Variants in CCDC69 observed in about 807,000 individuals in gnomAD.
The protein encoded by CCDC69 is coiled-coil domain-containing protein 69.
CCDC69 carries 38 observed loss-of-function variants against 40.3 expected under a neutral mutation model. The observed-to-expected ratio is 0.94, with a 90% CI of 0.73 to 1.24. The LOEUF is 1.24. Among genes scored for constraint, CCDC69 ranks in the 50% most tolerant of loss-of-function variants. CCDC69 has a pLI of 0.00. For synonymous variants in CCDC69, 141 were observed against 138.9 expected (o/e 1.02, Z -0.11); for missense variants, 389 against 357.9 (o/e 1.09, Z -0.70).
intron 1 of CCDC69, among the ~76,000 whole-genome samples, chr5:151,213,585 G>C (rs943516447): frequency 1.3e-5 from 2 of 152,170 alleles, no homozygotes; most frequent in Non-Finnish European, 2.9e-5. Context: ...CACCAGGCAA[G>C]AGTGAATTAG....
At chr5:151,203,676 T>C (rs1280390641) in intron 2 of CCDC69, among the ~76,000 whole-genome samples, 1 of 136,988 alleles carries the variant, frequency 7.3e-6, no homozygotes, top group Non-Finnish European at 1.5e-5. Context: ...TAAAAAATAG[T>C]ATATATAATA....
chr5:151,185,572 C>T, intron 6 of CCDC69, 31 bp from the exon 7 acceptor site: 1 of 1,608,502 alleles, frequency 6.2e-7, no homozygotes, highest in Admixed American at 1.7e-5. Context: ...CTCATTAGGC[C>T]AGTAGGCTAC....
At position 151,198,303 on chromosome 5, in the gene CCDC69, T is replaced by G. The variant is rs778057242; in HGVS notation, c.319+694A>C. Among the ~76,000 whole-genome samples, 596 of 143,950 alleles carry G rather than the reference T, an allele frequency of 4.1e-3. 7 individuals are homozygous for G. The highest frequency in any genetic ancestry group is 6.2e-3 in the Admixed American group (90 of 14,530). The allele number at this position is 143,950 out of a possible 152,430, so 94.4% of individuals were successfully genotyped here. On this transcript the variant is annotated intron_variant, in intron 4 of 8. Transcript: ENST00000355417. ...AGAGAATGAGATTGATCTATCTATC[T>G]ATCTATCTATCTATCTATCTATCTA...
At position 151,224,003 on chromosome 5, in the gene CCDC69, A is replaced by C. The variant is rs771318306; in HGVS notation, c.-33T>G. 3 of 1,541,862 alleles carry C rather than the reference A, an allele frequency of 1.9e-6. No individual in the cohort carries two copies. The African/African-American group carries it at 4.3e-5, about 22-fold the overall frequency. On this transcript the variant is annotated 5_prime_UTR_variant, in exon 1 of 9. Transcript: ENST00000355417. ...CGGGGGCTCCCGGACGCCGCTTCCC[A>C]ACTCCGGGGCCCCCAGAGGAGCCTG... is the stretch of plus-strand genomic sequence containing the variant.
At chr5:151,215,755 T>C in intron 1 of CCDC69, 1 of 283,284 alleles carries the variant, frequency 3.5e-6, no homozygotes, top group Non-Finnish European at 7.9e-6. Flanking sequence ...AATTCTACAG[T>C]AGCACTGTGA....
intron 6 of CCDC69, 134 bp from the exon 7 acceptor site, chr5:151,185,675 T>C: frequency 1.2e-6 from 1 of 865,332 alleles, no homozygotes; most frequent in Non-Finnish European, 1.9e-6. Context: ...TTTAATATGC[T>C]TTATCTCCCT....
Position 151,183,554 on chromosome 5 carries a change from C to T in CCDC69, c.774G>A (p.Arg258=). ...REALEKEVQL[R]RQLQQEKEEL... The stretch of plus-strand genomic sequence containing the variant: ...CCTCCTTCTCCTGCTGGAGCTGTCG[C>T]CGCAGCTGCACCTCCTTCTCCAGGG... Residue 258 remains arginine, a synonymous_variant, in exon 9 of 9, where the codon CGG becomes CGA. Coordinates refer to ENST00000355417, the MANE Select transcript of CCDC69 (RefSeq NM_015621.3). The T allele has an allele frequency of 3.7e-6, 6 of 1,611,940 alleles. No homozygotes were observed. The highest frequency in any genetic ancestry group is 5.1e-6 in the Non-Finnish European group (6 of 1,179,414).
intron 6 of CCDC69, 106 bp downstream of exon 6, chr5:151,185,917 C>T (rs1752502142): frequency 1.3e-6 from 1 of 775,518 alleles, no homozygotes; most frequent in Admixed American, 1.9e-5. Flanking sequence ...GGTAAGAGTG[C>T]CAGGTCTGAG....
chr5:151,197,148 C>T (rs1752710764), intron 4 of CCDC69, among the ~76,000 whole-genome samples: 1 of 152,238 alleles, frequency 6.6e-6, no homozygotes, highest in Non-Finnish European at 1.5e-5. Flanking sequence ...GTTATACAAT[C>T]CCGTTTATAT....
At position 151,220,996 on chromosome 5, in the gene CCDC69, GCAGGACCACACGATC is replaced by G. The variant is rs1561606803; in HGVS notation, c.48+2912_48+2926del. On this transcript the variant is annotated intron_variant, in intron 1 of 8. Coordinates refer to ENST00000355417, the MANE Select transcript of CCDC69 (RefSeq NM_015621.3). ...GTCTTTGCCAAGAAGAAGGGTTTAG[GCAGGACCACACGATC>G]CAGATGGTTCCTCAGCACCCACCCC... is the stretch of plus-strand genomic sequence containing the variant. Among the ~76,000 whole-genome samples the G allele has an allele frequency of 2.6e-5, 4 of 152,222 alleles. No homozygotes were observed. In the East Asian group the frequency reaches 7.7e-4, roughly 29 times the overall value.
chr5:151,198,706 G>T (rs1423070204), intron 4 of CCDC69: 2 of 334,466 alleles, frequency 6.0e-6, no homozygotes, highest in Non-Finnish European at 1.1e-5. Context: ...TCTTCTATTT[G>T]TCTGGGTTTT....
At chr5:151,205,920 G>C (rs1752847819) in intron 1 of CCDC69, among the ~76,000 whole-genome samples, 1 of 152,094 alleles carries the variant, frequency 6.6e-6, no homozygotes, top group Non-Finnish European at 1.5e-5. Flanking sequence ...TTTTTTCTCT[G>C]CTCTCACACC....
intron 1 of CCDC69, among the ~76,000 whole-genome samples, chr5:151,214,305 G>C (rs923552839): frequency 1.1e-4 from 17 of 152,340 alleles, no homozygotes; most frequent in African/African-American, 4.1e-4. Flanking sequence ...TTGGCCGAGG[G>C]TAGAGGCAGG....
At position 151,182,971 on chromosome 5, in the gene CCDC69, C is replaced by A; in HGVS notation, c.*466G>T. 2.2e-6 allele frequency: 1 copy of A among 451,592 alleles called. No homozygotes were observed. The allele number at this position is 451,592 out of a possible 1,614,324, so 28.0% of individuals were successfully genotyped here. Reference sequence around the variant, plus strand: ...ACATAAGAGTCCTTTGACCAGTCCCCCCACCATTTTAATGCAGGGGTAAAC... The same window carrying A: ...ACATAAGAGTCCTTTGACCAGTCCCACCACCATTTTAATGCAGGGGTAAAC... On this transcript the variant is annotated 3_prime_UTR_variant, in exon 9 of 9. Coordinates refer to ENST00000355417, the MANE Select transcript of CCDC69 (RefSeq NM_015621.3).
chr5:151,186,609 C>G (rs1752523267), intron 5 of CCDC69, among the ~76,000 whole-genome samples: 1 of 152,128 alleles, frequency 6.6e-6, no homozygotes. Context: ...CCAAACCAGG[C>G]TCAATGAATT....
At chr5:151,183,732 G>T in intron 8 of CCDC69, 118 bp from the exon 9 acceptor site, 3 of 877,464 alleles carry the variant, frequency 3.4e-6, no homozygotes, top group Non-Finnish European at 1.7e-6. Flanking sequence ...GGTCCCCACT[G>T]CCCTCCTTGT....
intron 6 of CCDC69, 48 bp from the exon 7 acceptor site, chr5:151,185,589 C>T: frequency 6.3e-7 from 1 of 1,595,306 alleles, no homozygotes; most frequent in Non-Finnish European, 8.6e-7. Context: ...CTACCTCCCT[C>T]CTCCCCATTC....
chr5:151,213,356 C>G (rs576724531), intron 1 of CCDC69, among the ~76,000 whole-genome samples: 1 of 152,126 alleles, frequency 6.6e-6, no homozygotes, highest in Non-Finnish European at 1.5e-5. Flanking sequence ...ACGCCATTCT[C>G]CTGTCTCAGC....
intron 7 of CCDC69, 23 bp from the exon 8 acceptor site, chr5:151,184,464 A>G (rs1766691545): frequency 1.3e-6 from 2 of 1,527,744 alleles, no homozygotes; most frequent in Non-Finnish European, 1.8e-6. Context: ...GAATGAGCTC[A>G]GAAAGCTGCC....
Sources: gnomAD v4.1 joint callset for allele counts (sites outside exome capture counted in the v4.1 genomes callset) on GRCh38, gnomAD v4.1.1 for gene constraint, MANE v1.5 for transcripts, NCBI Gene and HGNC (gene_info 2026-07-23, HGNC 2026-07-21) for gene names.